The following COL25A1 variants were observed in gnomAD, a reference collection of about 807,000 sequenced individuals.
COL25A1 encodes the protein collagen type XXV alpha 1 chain, also known as collagen alpha-1(XXV) chain.
COL25A1 carries 103 observed loss-of-function variants against 128.4 expected under a neutral mutation model. The observed-to-expected ratio is 0.80, with a 90% confidence interval of 0.68 to 0.94. The LOEUF (loss-of-function observed/expected upper bound fraction) is 0.94, where lower values mean the gene tolerates loss of function less well. COL25A1 is among the 40% of genes least tolerant of loss of function. The probability of loss-of-function intolerance (pLI) is 0.00; values close to 1 mark genes in which losing one functional copy is unlikely to be tolerated. For synonymous variants in COL25A1, 279 were observed against 277.2 expected (o/e 1.01, Z -0.06); for missense variants, 745 against 840.0 (o/e 0.89, Z 1.40).
chr4:109,069,127 T>A (rs1017133238), intron 3 of COL25A1, among the ~76,000 whole-genome samples: 17 of 151,350 alleles, frequency 1.1e-4, no homozygotes, highest in Admixed American at 9.9e-4. Flanking sequence ...TTTTAAACTT[T>A]AAAAATTTTT....
intron 3 of COL25A1, among the ~76,000 whole-genome samples, chr4:109,103,573 A>G (rs2126025809): frequency 6.6e-6 from 1 of 152,336 alleles, no homozygotes; most frequent in Admixed American, 6.5e-5. Flanking sequence ...AACAAGTTTC[A>G]AAGTAATTTT....
At chr4:109,023,726 G>A (rs1264400952) in intron 5 of COL25A1, among the ~76,000 whole-genome samples, 1 of 152,180 alleles carries the variant, frequency 6.6e-6, no homozygotes, top group Non-Finnish European at 1.5e-5. Flanking sequence ...AGATTCACAA[G>A]CGCTGATGGC....
chr4:109,117,217 A>G (rs1319688787), intron 3 of COL25A1, among the ~76,000 whole-genome samples: 1 of 151,982 alleles, frequency 6.6e-6, no homozygotes, highest in African/African-American at 2.4e-5. Context: ...AAACTTCAGA[A>G]ATCAAATATA....
chr4:109,210,943 T>C (rs1466886881), intron 3 of COL25A1, among the ~76,000 whole-genome samples: 3 of 151,994 alleles, frequency 2.0e-5, no homozygotes, highest in Non-Finnish European at 2.9e-5. Flanking sequence ...TACCGCATGT[T>C]CTCAATTATA....
At chr4:109,204,499 T>C (rs1490156242) in intron 3 of COL25A1, among the ~76,000 whole-genome samples, 1 of 152,108 alleles carries the variant, frequency 6.6e-6, no homozygotes, top group Non-Finnish European at 1.5e-5. Flanking sequence ...AATACAGTAA[T>C]GGTTATTAAC....
chr4:108,969,740 G>A lies in COL25A1; in HGVS notation c.492+4627C>T, dbSNP rs905573127. Among the ~76,000 whole-genome samples the A allele has an allele frequency of 4.0e-5, 6 of 151,534 alleles. No individual in the cohort carries two copies. The East Asian group carries it at 5.8e-4, about 15-fold the overall frequency. On this transcript the variant is annotated intron_variant, in intron 8 of 37. Coordinates refer to ENST00000399132, the MANE Select transcript of COL25A1 (RefSeq NM_198721.4). ...TGTTCCATGCTAAGTCAGCTCATCC[G>A]TTCTGCTTACCTCTCCACTGAGGAC...
chr4:108,981,545 TA>T (rs1295517455), intron 6 of COL25A1, among the ~76,000 whole-genome samples: 1 of 151,928 alleles, frequency 6.6e-6, no homozygotes, highest in African/African-American at 2.4e-5. Context: ...GTAAAAAAGT[TA>T]AAAAAAAGTG....
intron 6 of COL25A1, among the ~76,000 whole-genome samples, chr4:108,984,823 GCTC>G (rs1264775230): frequency 4.6e-5 from 7 of 152,376 alleles, no homozygotes; most frequent in African/African-American, 1.7e-4. Context: ...GGGCTGAAGG[GCTC>G]CTCAAGTGCC....
At position 108,920,570 on chromosome 4, in the gene COL25A1, T is replaced by C. The variant is rs746368163; in HGVS notation, c.735+8A>G. On this transcript the variant is annotated splice_region_variant and intron_variant, in intron 12 of 37. Transcript: ENST00000399132. ...ATTACTTTCACAATATTGTTGTTTA[T>C]ACTCTACCTTTTGTCCCGGAGGCCC... 1.2e-6 allele frequency: 2 copies of C among 1,601,324 alleles called. No individual in the cohort carries two copies. Among genetic ancestry groups the C allele is most frequent in the South Asian group, 1.1e-5 (1 of 90,116 alleles).
At chr4:109,122,843 C>T (rs910941881) in intron 3 of COL25A1, among the ~76,000 whole-genome samples, 2 of 152,090 alleles carry the variant, frequency 1.3e-5, no homozygotes, top group Middle Eastern at 3.4e-3. Context: ...GAGAAATATA[C>T]TTATTGAGTT....
At chr4:108,946,174 C>T (rs1221129706) in intron 8 of COL25A1, among the ~76,000 whole-genome samples, 1 of 152,130 alleles carries the variant, frequency 6.6e-6, no homozygotes, top group Non-Finnish European at 1.5e-5. Flanking sequence ...ACAGGAAAGG[C>T]TATATCTCCC....
At chr4:109,013,232 A>G (rs1177981331) in intron 5 of COL25A1, among the ~76,000 whole-genome samples, 1 of 152,146 alleles carries the variant, frequency 6.6e-6, no homozygotes, top group Non-Finnish European at 1.5e-5. Flanking sequence ...AAATGCACCA[A>G]TCAGTGCTCT....
chr4:108,889,417 AT>A (rs34358532), intron 17 of COL25A1, among the ~76,000 whole-genome samples, 161 bp from the exon 18 acceptor site: 28,401 of 130,230 alleles, frequency 0.22, 2,622 homozygotes, highest in Non-Finnish European at 0.24. Context: ...AGACATACGG[AT>A]TTTTTTTTTT....
Position 108,956,994 on chromosome 4 carries a change from A to T in COL25A1, c.493-15557T>A, listed in dbSNP as rs1045547547. On this transcript the variant is annotated intron_variant, in intron 8 of 37. Transcript: ENST00000399132. ...TGAGGAGCTAATAGTAACAGTAAAA[A>T]AAATTTTAGAATTTAAGTCAGTAAA... is the stretch of plus-strand genomic sequence containing the variant. 3.3e-5 allele frequency among the ~76,000 whole-genome samples: 5 copies of T among 152,194 alleles called. No individual in the cohort carries two copies. In the South Asian group the frequency reaches 1.0e-3, roughly 31 times the overall value.
chr4:109,050,286 A>G (rs1210186751), intron 3 of COL25A1, 107 bp from the exon 4 acceptor site: 4 of 778,436 alleles, frequency 5.1e-6, no homozygotes, highest in South Asian at 2.0e-5. Flanking sequence ...TTAACTACCA[A>G]CTTCAAGAAA....
chr4:108,836,039 T>C lies in COL25A1; in HGVS notation c.1657-3606A>G, dbSNP rs912103873. Among the ~76,000 whole-genome samples the C allele has an allele frequency of 7.3e-5, 11 of 151,274 alleles. 2 individuals are homozygous for C. The highest frequency in any genetic ancestry group is 5.3e-4 in the Admixed American group (8 of 15,146). On this transcript the variant is annotated intron_variant, in intron 31 of 37. Coordinates refer to ENST00000399132, the MANE Select transcript of COL25A1 (RefSeq NM_198721.4). ...GGCACCCACCACCAAGCCTGGCTAA[T>C]TTTTTGTATTTTTAATCGAGACAGG...
intron 3 of COL25A1, among the ~76,000 whole-genome samples, chr4:109,127,757 T>G (rs1035585042): frequency 6.6e-6 from 1 of 152,190 alleles, no homozygotes; most frequent in African/African-American, 2.4e-5. Context: ...GTTAGCTGAT[T>G]TCCTTGGCGT....
At chr4:108,929,407 A>G (rs1320551658) in intron 11 of COL25A1, among the ~76,000 whole-genome samples, 1 of 152,034 alleles carries the variant, frequency 6.6e-6, no homozygotes, top group Admixed American at 6.6e-5. Flanking sequence ...TGCAGGCATG[A>G]GCCACCGCGC....
intron 31 of COL25A1, among the ~76,000 whole-genome samples, chr4:108,838,884 C>T (rs1186794713): frequency 6.6e-6 from 1 of 152,106 alleles, no homozygotes; most frequent in African/African-American, 2.4e-5. Flanking sequence ...TTCTTGACTC[C>T]ATTTTTAAAA....
Sources: gnomAD v4.1 joint callset for allele counts (sites outside exome capture counted in the v4.1 genomes callset) on GRCh38, gnomAD v4.1.1 for gene constraint, MANE v1.5 for transcripts, NCBI Gene and HGNC (gene_info 2026-07-23, HGNC 2026-07-21) for gene names.